HECTD4: variants seen among roughly 807,000 people sequenced by gnomAD.
The protein encoded by HECTD4 is probable E3 ubiquitin-protein ligase HECTD4.
A neutral mutation model predicts 471.5 loss-of-function variants in HECTD4; 114 were observed. The ratio of observed to expected loss-of-function variants is 0.24; its 90% CI spans 0.21 to 0.28. The LOEUF (loss-of-function observed/expected upper bound fraction) is 0.28. Among genes scored for constraint, HECTD4 ranks in the 10% least tolerant of loss-of-function variants. The pLI, the probability that HECTD4 is intolerant of heterozygous loss-of-function variation, is 1.00. For synonymous variants in HECTD4, 2,012 were observed against 2,256.0 expected, an observed-to-expected ratio of 0.89 and a Z score of 3.07; for missense variants, 3,866 against 5,651.5, an observed-to-expected ratio of 0.68 and a Z score of 10.13.
chr12:112,190,858 T>C lies in HECTD4; in HGVS notation c.9400A>G (p.Ser3134Gly), dbSNP rs2032054825. ...GGCTCATCTTCGGACTTCCCTTCAC[T>C]GTCCTCTGATTTCCAGGACAGCAGC... ...EQLLSWKSEDSEGKSEDEPDT... is the reference protein window; with the variant it reads ...EQLLSWKSEDGEGKSEDEPDT... The change falls in exon 60 of 76, where the codon AGT becomes GGT. Residue 3134 changes from serine to glycine, a missense_variant. Ser to Gly is a moderately conservative substitution (Grantham distance 56). Coordinates refer to ENST00000682272, the MANE Select transcript of HECTD4 (RefSeq NM_001388303.1). The C allele has an allele frequency of 1.3e-6, 2 of 1,583,484 alleles. No individual in the cohort carries two copies. The highest frequency in any genetic ancestry group is 1.7e-6 in the Non-Finnish European group (2 of 1,164,966).
At chr12:112,290,848 C>CAG (rs2034863020) in intron 7 of HECTD4, among the ~76,000 whole-genome samples, 1 of 86,254 alleles carries the variant, frequency 1.2e-5, no homozygotes, top group African/African-American at 4.2e-5. Flanking sequence ...AACTCCGTCT[C>CAG]AAAAAAAAAC....
chr12:112,366,270 G>A (rs1380606333), intron 1 of HECTD4, among the ~76,000 whole-genome samples: 3 of 151,978 alleles, frequency 2.0e-5, no homozygotes, highest in African/African-American at 2.4e-5. Flanking sequence ...CACTTTGGGA[G>A]GCCAAGGTGG....
chr12:112,317,572 G>T (rs1477381662), intron 2 of HECTD4, among the ~76,000 whole-genome samples: 1 of 152,206 alleles, frequency 6.6e-6, no homozygotes, highest in African/African-American at 2.4e-5. Flanking sequence ...GGTCCTAACT[G>T]TTCTCTAGGC....
rs1053613787 is a variant in HECTD4 at position 112,173,739 on chromosome 12, C to T, written c.11595-878G>A. On this transcript the variant is annotated intron_variant, in intron 66 of 75. Transcript: ENST00000682272. The surrounding 1 kb of genome is among the most constrained non-coding windows in gnomAD (Gnocchi z 4.3). ...AGAGATGGGGTCTCGTTGTGTTGCC[C>T]AGGCTGTTCTTGAAATCCTGGGCTC... is the stretch of plus-strand genomic sequence containing the variant. Among the ~76,000 whole-genome samples the T allele has an allele frequency of 6.6e-6, 1 of 151,826 alleles. No homozygotes were observed. The highest frequency in any genetic ancestry group is 2.4e-5 in the African/African-American group (1 of 41,300).
intron 17 of HECTD4, 165 bp from the exon 18 acceptor site, chr12:112,261,594 G>C: frequency 4.5e-6 from 3 of 665,206 alleles, no homozygotes; most frequent in Non-Finnish European, 7.2e-6. Context: ...GAGGTGGCCA[G>C]AATAAGCCCA....
intron 7 of HECTD4, chr12:112,302,470 T>A (rs2035185639): frequency 2.7e-6 from 2 of 747,588 alleles, no homozygotes; most frequent in Admixed American, 1.7e-5. Context: ...AGAGGATGGC[T>A]CTCTGCTGCT....
chr12:112,371,214 G>C (rs2036660541), intron 1 of HECTD4, among the ~76,000 whole-genome samples: 1 of 152,124 alleles, frequency 6.6e-6, no homozygotes, highest in Non-Finnish European at 1.5e-5. Flanking sequence ...TATACAATTG[G>C]AGAAAAACTG....
chr12:112,272,109 CATG>C (rs1423059180), intron 11 of HECTD4, among the ~76,000 whole-genome samples: 1 of 152,224 alleles, frequency 6.6e-6, no homozygotes, highest in African/African-American at 2.4e-5. Context: ...GGTGCAATGG[CATG>C]ATCTCAGCTC....
intron 1 of HECTD4, among the ~76,000 whole-genome samples, chr12:112,364,981 G>A (rs1435462187): frequency 6.6e-6 from 1 of 152,156 alleles, no homozygotes; most frequent in Admixed American, 6.5e-5. Flanking sequence ...CAGACAATAT[G>A]TAAACAAATA....
intron 43 of HECTD4, among the ~76,000 whole-genome samples, chr12:112,227,134 T>A (rs2033260707): frequency 6.6e-6 from 1 of 152,198 alleles, no homozygotes; most frequent in Non-Finnish European, 1.5e-5. Flanking sequence ...CGCTCTCACC[T>A]GATTCAAAAT....
In HECTD4 at chr12:112,235,890, C is replaced by T. The variant is rs540223881; in HGVS notation, c.5445-106G>A. 2.0e-5 allele frequency: 21 copies of T among 1,029,064 alleles called. No homozygotes were observed. Among genetic ancestry groups the T allele is most frequent in the Middle Eastern group, 2.4e-4 (1 of 4,108 alleles). The allele number at this position is 1,029,064 out of a possible 1,614,324, so 63.7% of individuals were successfully genotyped here. A position where few individuals can be genotyped will look rare whatever the true frequency, so the allele number is the denominator to read the frequency against. On this transcript the variant is annotated intron_variant, in intron 35 of 75. Coordinates refer to ENST00000682272, the MANE Select transcript of HECTD4 (RefSeq NM_001388303.1). This position sits in a 1 kb window ranked among gnomAD's most constrained non-coding sequence, Gnocchi z 5.0. ...AACAAACCAATGAAATCTGATTTCA[C>T]GAGGAATCATGAATGTGGCACTATG...
intron 1 of HECTD4, among the ~76,000 whole-genome samples, chr12:112,368,801 T>A (rs946777685): frequency 2.6e-5 from 4 of 152,224 alleles, no homozygotes; most frequent in African/African-American, 9.7e-5. Context: ...CCTGTATTAT[T>A]TACTTATAAT....
intron 45 of HECTD4, 141 bp from the exon 46 acceptor site, chr12:112,217,336 TACACAC>T (rs71956504): frequency 1.7e-4 from 69 of 409,636 alleles, no homozygotes; most frequent in African/African-American, 4.6e-4. Flanking sequence ...CACACACACA[TACACAC>T]ACACACACAC....
chr12:112,314,404 G>T, intron 3 of HECTD4, 53 bp downstream of exon 3: 1 of 865,590 alleles, frequency 1.2e-6, no homozygotes, highest in Non-Finnish European at 1.8e-6. Context: ...GAAGCATTTG[G>T]CACAAATCTG....
chr12:112,208,313 A>G (rs2032656211), intron 51 of HECTD4, among the ~76,000 whole-genome samples, 181 bp downstream of exon 51: 1 of 152,218 alleles, frequency 6.6e-6, no homozygotes, highest in Non-Finnish European at 1.5e-5. Context: ...GGATATCGCT[A>G]TTGATAGGGG....
At chr12:112,251,668 T>G (rs2033892093) in intron 23 of HECTD4, among the ~76,000 whole-genome samples, 1 of 152,262 alleles carries the variant, frequency 6.6e-6, no homozygotes. Context: ...TGGAGAGTCT[T>G]AGCTTGGTTA....
intron 21 of HECTD4, among the ~76,000 whole-genome samples, chr12:112,255,435 G>A (rs1163453346): frequency 3.3e-5 from 5 of 152,170 alleles, no homozygotes; most frequent in African/African-American, 4.8e-5. Flanking sequence ...ATGGGGAAGA[G>A]GATTCTATAA....
At chr12:112,356,289 G>T (rs933649190) in intron 1 of HECTD4, among the ~76,000 whole-genome samples, 1 of 152,102 alleles carries the variant, frequency 6.6e-6, no homozygotes, top group Admixed American at 6.6e-5. Context: ...GGCATAAATT[G>T]CATCAAAATG....
chr12:112,283,485 T>G (rs1239690637), intron 7 of HECTD4, among the ~76,000 whole-genome samples, 183 bp from the exon 8 acceptor site: 2 of 152,186 alleles, frequency 1.3e-5, no homozygotes, highest in East Asian at 3.8e-4. Flanking sequence ...TATGCTAAGT[T>G]TGAGATCTTT....
Sources: allele counts gnomAD v4.1 joint callset (sites outside exome capture counted in the v4.1 genomes callset), GRCh38; gene constraint gnomAD v4.1.1; non-coding constraint Gnocchi (gnomAD v3.1); transcripts MANE v1.5; gene names NCBI Gene and HGNC (gene_info 2026-07-23, HGNC 2026-07-21).